Variants in DEPDC5 observed in about 807,000 individuals in gnomAD.
The protein encoded by DEPDC5 is DEP domain containing 5, GATOR1 subcomplex subunit.
Under a neutral mutation model 217.3 loss-of-function variants are expected in DEPDC5, and 73 were observed. The observed-to-expected ratio is 0.34, with a 90% CI of 0.28 to 0.41. The LOEUF is 0.41. Ranked by LOEUF, DEPDC5 falls within the 10% of genes least tolerant of loss-of-function variation. DEPDC5 has a pLI of 1.00. For synonymous variants in DEPDC5, 733 were observed against 756.7 expected, an observed-to-expected ratio of 0.97 and a Z score of 0.51; for missense variants, 1,675 against 2,070.1, an observed-to-expected ratio of 0.81 and a Z score of 3.70.
chr22:31,898,623 A>T (rs921293843), intron 40 of DEPDC5, among the ~76,000 whole-genome samples: 1 of 152,136 alleles, frequency 6.6e-6, no homozygotes, highest in Non-Finnish European at 1.5e-5. Flanking sequence ...AGATAAGGAG[A>T]TCTCCCCAGG....
intron 7 of DEPDC5, 112 bp downstream of exon 7, chr22:31,768,975 T>G: frequency 7.0e-7 from 1 of 1,419,222 alleles, no homozygotes. Context: ...AATGTTAGAT[T>G]GTTGGCTGGC....
rs750653149 is a variant in DEPDC5 at position 31,873,292 on chromosome 22, T to C, written c.3523T>C (p.Ser1175Pro). The C allele has an allele frequency of 6.2e-7, 1 of 1,614,064 alleles. No individual in the cohort carries two copies. Among genetic ancestry groups the C allele is most frequent in the South Asian group, 1.1e-5 (1 of 91,086 alleles). ...QLVASSLTSSSTLTEILEAMK... is the reference protein window; with the variant it reads ...QLVASSLTSSPTLTEILEAMK... ...GGTGGCAAGCTCCTTGACCTCATCC[T>C]CTACCCTGACAGAGATCCTGGAAGC... is the stretch of plus-strand genomic sequence containing the variant. Residue 1175 changes from serine to proline, a missense_variant, in exon 35 of 43, where the codon TCT (serine) becomes CCT (proline). Ser to Pro is a moderately conservative substitution (Grantham distance 74). This residue lies in a region of DEPDC5 where 194 missense variants were observed against 199.3 expected (regional missense o/e 0.97). Coordinates refer to ENST00000651528, the MANE Select transcript of DEPDC5 (RefSeq NM_001242896.3).
chr22:31,776,402 G>A (rs978480209), intron 7 of DEPDC5, among the ~76,000 whole-genome samples: 3 of 151,892 alleles, frequency 2.0e-5, no homozygotes, highest in Non-Finnish European at 2.9e-5. Context: ...GTGAGTCACC[G>A]TGCCCGGCCC....
At position 31,833,907 on chromosome 22, in the gene DEPDC5, T is replaced by C. The variant is rs1490773967; in HGVS notation, c.2105-8T>C. The C allele has an allele frequency of 6.4e-7, 1 of 1,555,644 alleles. No individual in the cohort carries two copies. The highest frequency in any genetic ancestry group is 8.7e-7 in the Non-Finnish European group (1 of 1,147,282). On this transcript the variant is annotated splice_region_variant and splice_polypyrimidine_tract_variant and intron_variant, in intron 24 of 42. Transcript: ENST00000651528. Reference sequence around the variant, plus strand: ...TTCTTAAGACAAGCTGTTTTTATCTTTCCATAGGTATGAATCCTAGGACCC... The same window carrying C: ...TTCTTAAGACAAGCTGTTTTTATCTCTCCATAGGTATGAATCCTAGGACCC...
intron 39 of DEPDC5, among the ~76,000 whole-genome samples, chr22:31,897,213 C>A (rs915679114): frequency 6.6e-6 from 1 of 152,164 alleles, no homozygotes; most frequent in African/African-American, 2.4e-5. Context: ...CTCTGCAGAC[C>A]GTTCTTTCTA....
At chr22:31,859,092 T>G (rs894634164) in intron 32 of DEPDC5, 4 of 135,674 alleles carry the variant, frequency 2.9e-5, no homozygotes, top group South Asian at 5.1e-4. Context: ...TTTTTTTTTT[T>G]TTTTTTTTTT....
intron 12 of DEPDC5, among the ~76,000 whole-genome samples, chr22:31,794,955 C>G (rs1162266658): frequency 6.6e-6 from 1 of 151,932 alleles, no homozygotes; most frequent in Non-Finnish European, 1.5e-5. Flanking sequence ...AAAGCACACT[C>G]AATTCCATCT....
At chr22:31,776,572 C>CTTTTTTTTTT (rs34058587) in intron 7 of DEPDC5, among the ~76,000 whole-genome samples, 1 of 104,172 alleles carries the variant, frequency 9.6e-6, no homozygotes. Context: ...GTACTATTCA[C>CTTTTTTTTTT]TTTTTTTTTT....
chr22:31,884,969 G>T (rs1401162373), intron 38 of DEPDC5, among the ~76,000 whole-genome samples: 1 of 152,120 alleles, frequency 6.6e-6, no homozygotes, highest in African/African-American at 2.4e-5. Flanking sequence ...TATTGATTCA[G>T]GATTAACTAT....
intron 7 of DEPDC5, among the ~76,000 whole-genome samples, chr22:31,770,234 A>C (rs2083219094): frequency 6.8e-6 from 1 of 147,546 alleles, no homozygotes; most frequent in Non-Finnish European, 1.5e-5. Flanking sequence ...GACTGTCTCA[A>C]AAAAAAAAAA....
At chr22:31,877,155 G>T (rs2093016294) in intron 37 of DEPDC5, among the ~76,000 whole-genome samples, 1 of 151,914 alleles carries the variant, frequency 6.6e-6, no homozygotes. Flanking sequence ...ACAACAGCCG[G>T]CTGGGCACTG....
At chr22:31,887,069 C>T (rs1187353639) in intron 38 of DEPDC5, among the ~76,000 whole-genome samples, 1 of 139,378 alleles carries the variant, frequency 7.2e-6, no homozygotes, top group Non-Finnish European at 1.5e-5. Context: ...GACGACAGGG[C>T]GAGATTCCAT....
Position 31,857,530 on chromosome 22 carries a change from A to C in DEPDC5, c.3241A>C (p.Thr1081Pro), listed in dbSNP as rs142540948. The change falls in exon 32 of 43, where the codon ACC becomes CCC. Residue 1081 changes from threonine to proline, a missense_variant. Thr to Pro is a conservative substitution (Grantham distance 38, BLOSUM62 -1). This residue lies in a region of DEPDC5 where 126 missense variants were observed against 113.8 expected (regional missense o/e 1.11). Coordinates refer to ENST00000651528, the MANE Select transcript of DEPDC5 (RefSeq NM_001242896.3). Reference protein sequence around the residue: ...AESSSVAMTPTYMDSPRKDGA... With the variant: ...AESSSVAMTPPYMDSPRKDGA... ...GAGCAGCAGCGTTGCCATGACTCCC[A>C]CCTACATGGACAGCCCACGAAAGGT... The C allele has an allele frequency of 1.7e-4, 279 of 1,611,366 alleles. No individual in the cohort carries two copies. Among genetic ancestry groups the C allele is most frequent in the Non-Finnish European group, 2.2e-4 (258 of 1,178,874 alleles).
chr22:31,755,315 T>G, intron 2 of DEPDC5: 1 of 347,196 alleles, frequency 2.9e-6, no homozygotes, highest in Non-Finnish European at 5.4e-6. Flanking sequence ...GTTTATCAGT[T>G]TTTACATTGA....
At chr22:31,885,732 A>G (rs2093292692) in intron 38 of DEPDC5, among the ~76,000 whole-genome samples, 1 of 146,684 alleles carries the variant, frequency 6.8e-6, no homozygotes, top group Non-Finnish European at 1.5e-5. Flanking sequence ...CTCAAAAAAA[A>G]AAAAAAAAAA....
chr22:31,815,810 T>G, intron 21 of DEPDC5: 1 of 1,228,514 alleles, frequency 8.1e-7, no homozygotes, highest in East Asian at 3.6e-5. Flanking sequence ...ATTACAGGCA[T>G]GAACCAATGT....
intron 23 of DEPDC5, among the ~76,000 whole-genome samples, chr22:31,821,966 C>T (rs971405164): frequency 1.3e-5 from 2 of 152,208 alleles, no homozygotes; most frequent in Non-Finnish European, 2.9e-5. Flanking sequence ...ATTTGGAATG[C>T]TGAGACAGGA....
chr22:31,827,224 A>G (rs1173318430), intron 24 of DEPDC5, among the ~76,000 whole-genome samples: 2 of 152,158 alleles, frequency 1.3e-5, no homozygotes, highest in African/African-American at 2.4e-5. Context: ...AGTGGCCATC[A>G]AGAGGTGATC....
intron 14 of DEPDC5, 81 bp downstream of exon 14, chr22:31,798,737 C>T (rs2148589029): frequency 1.4e-6 from 2 of 1,386,380 alleles, no homozygotes; most frequent in East Asian, 4.8e-5. Context: ...GATCCAGACC[C>T]TAAGAGAAGG....
Sources: allele counts gnomAD v4.1 joint callset (sites outside exome capture counted in the v4.1 genomes callset), GRCh38; gene constraint gnomAD v4.1.1; regional missense constraint gnomAD v4.1.1; transcripts MANE v1.5; gene names NCBI Gene and HGNC (gene_info 2026-07-23, HGNC 2026-07-21).